PLEKHH1: variants seen among roughly 807,000 people sequenced by gnomAD.
The protein encoded by PLEKHH1 is pleckstrin homology domain-containing family H member 1.
PLEKHH1 carries 104 observed loss-of-function variants against 160.0 expected under a neutral mutation model. The ratio of observed to expected loss-of-function variants is 0.65; its 90% CI spans 0.55 to 0.76. The LOEUF (loss-of-function observed/expected upper bound fraction) is 0.76, where lower values mean the gene tolerates loss of function less well. Ranked by LOEUF, PLEKHH1 falls within the 30% of genes least tolerant of loss-of-function variation. PLEKHH1 has a pLI of 0.00. For missense variants in PLEKHH1, 1,427 were observed against 1,724.1 expected, an observed-to-expected ratio of 0.83 and a Z score of 3.05; for synonymous variants, 619 against 678.4, an observed-to-expected ratio of 0.91 and a Z score of 1.36.
intron 1 of PLEKHH1, among the ~76,000 whole-genome samples, chr14:67,538,118 A>G (rs902208112): frequency 6.6e-6 from 1 of 151,844 alleles, no homozygotes; most frequent in Non-Finnish European, 1.5e-5. Flanking sequence ...ATAAAAATAG[A>G]AAAAAAAATT....
chr14:67,546,200 G>A (rs542070325), intron 2 of PLEKHH1, among the ~76,000 whole-genome samples: 4 of 152,210 alleles, frequency 2.6e-5, no homozygotes, highest in Non-Finnish European at 5.9e-5. Context: ...AACGCCGGGG[G>A]AAGGGGGTAA....
At chr14:67,546,623 T>G (rs2034191381) in intron 2 of PLEKHH1, among the ~76,000 whole-genome samples, 2 of 152,098 alleles carry the variant, frequency 1.3e-5, no homozygotes, top group South Asian at 4.1e-4. Flanking sequence ...CTCCCAACCT[T>G]AGGTGATCCA....
intron 2 of PLEKHH1, among the ~76,000 whole-genome samples, chr14:67,554,709 C>T (rs1478252832): frequency 6.6e-6 from 1 of 152,136 alleles, no homozygotes; most frequent in Non-Finnish European, 1.5e-5. Flanking sequence ...AAGCCATGAG[C>T]TTGAGAAGCT....
rs200696869 is a variant in PLEKHH1, at chr14:67,562,176, C to T, written c.545C>T (p.Pro182Leu). 4.0e-4 allele frequency: 643 copies of T among 1,611,596 alleles called. No individual in the cohort carries two copies. Among genetic ancestry groups the T allele is most frequent in the Non-Finnish European group, 5.1e-4 (605 of 1,178,674 alleles). ...IAPSRKLLVPPYGAAEQDSVP... is the reference protein window; with the variant it reads ...IAPSRKLLVPLYGAAEQDSVP... Reference sequence around the variant, plus strand: ...CCTTCACGGAAGCTGCTGGTGCCCCCCTACGGAGCTGCAGAGCAGGATTCT... The same window carrying T: ...CCTTCACGGAAGCTGCTGGTGCCCCTCTACGGAGCTGCAGAGCAGGATTCT... Residue 182 changes from proline (P) to leucine (L), a missense_variant, in exon 7 of 29, where the codon CCC becomes CTC. By Grantham distance (98) the Pro-to-Leu change is moderately conservative. This residue lies in a region of PLEKHH1 where 831 missense variants were observed against 929.2 expected (regional missense o/e 0.89). Coordinates refer to ENST00000329153, the MANE Select transcript of PLEKHH1 (RefSeq NM_020715.3).
rs759161422 is a variant in PLEKHH1, at chr14:67,585,954, G to A, written c.3790G>A (p.Val1264Met). The A allele has an allele frequency of 6.2e-7, 1 of 1,611,806 alleles. No homozygotes were observed. Among genetic ancestry groups the A allele is most frequent in the Non-Finnish European group, 8.5e-7 (1 of 1,178,994 alleles). ...ACTGACTGGTTCCTTTCCACAGCAA[G>A]TGCACATCACTTACCCCTACTCTTC... ...VSILDHNTMQ[V>M]HITYPYSSVT... The change falls in exon 28 of 29, where the codon GTG becomes ATG. Residue 1264 changes from valine (V) to methionine (M), a missense_variant. By Grantham distance (21) the Val-to-Met change is conservative. Transcript: ENST00000329153.
At chr14:67,569,337 T>C (rs2035260515) in intron 8 of PLEKHH1, 121 bp downstream of exon 8, 1 of 642,232 alleles carries the variant, frequency 1.6e-6, no homozygotes, top group Non-Finnish European at 2.7e-6. Flanking sequence ...CCTGTTCCCC[T>C]CCCCAGCAGG....
At chr14:67,563,139 C>T (rs2034920481) in intron 7 of PLEKHH1, among the ~76,000 whole-genome samples, 1 of 152,240 alleles carries the variant, frequency 6.6e-6, no homozygotes, top group South Asian at 2.1e-4. Context: ...ATACATTGAG[C>T]TGGGTGCCCT....
intron 5 of PLEKHH1, among the ~76,000 whole-genome samples, chr14:67,560,680 A>G (rs1337622543): frequency 2.0e-5 from 3 of 152,150 alleles, no homozygotes; most frequent in African/African-American, 4.8e-5. Flanking sequence ...ACCTCCTTCT[A>G]AATAAAAGGA....
At chr14:67,561,880 A>G (rs1160190613) in intron 5 of PLEKHH1, 74 bp from the exon 6 acceptor site, 3 of 1,199,638 alleles carry the variant, frequency 2.5e-6, no homozygotes, top group Admixed American at 4.4e-5. Flanking sequence ...AAAAAAAAAA[A>G]AAAAAAGAAT....
intron 4 of PLEKHH1, 80 bp downstream of exon 4, chr14:67,557,498 C>T: frequency 7.3e-7 from 1 of 1,372,474 alleles, no homozygotes; most frequent in South Asian, 1.3e-5. Flanking sequence ...AGCTGTTCCG[C>T]TCAAGCCCTC....
chr14:67,572,540 C>A (rs1238316238), intron 11 of PLEKHH1, among the ~76,000 whole-genome samples: 1 of 152,170 alleles, frequency 6.6e-6, no homozygotes, highest in Non-Finnish European at 1.5e-5. Flanking sequence ...GCCCACCAGG[C>A]CCCATGAAGA....
intron 21 of PLEKHH1, 104 bp downstream of exon 21, chr14:67,579,415 C>T: frequency 3.2e-6 from 3 of 934,796 alleles, no homozygotes; most frequent in Non-Finnish European, 4.7e-6. Flanking sequence ...CACTGTTGCC[C>T]CAGAAGTAGA....
intron 1 of PLEKHH1, among the ~76,000 whole-genome samples, chr14:67,537,344 A>AAAAATAAT (rs1187916867): frequency 1.1e-4 from 14 of 124,526 alleles, no homozygotes; most frequent in African/African-American, 4.6e-4. Flanking sequence ...ACTCCATCTC[A>AAAAATAAT]AAAATAATAA....
intron 1 of PLEKHH1, among the ~76,000 whole-genome samples, chr14:67,537,496 C>T (rs1455034662): frequency 6.6e-6 from 1 of 151,520 alleles, no homozygotes. Flanking sequence ...GAAACCTTGT[C>T]TTTACAAAAA....
intron 26 of PLEKHH1, among the ~76,000 whole-genome samples, chr14:67,584,601 G>A (rs960958510): frequency 6.6e-6 from 1 of 152,196 alleles, no homozygotes; most frequent in East Asian, 1.9e-4. Context: ...AAACTTTATA[G>A]ATAATTACAG....
In PLEKHH1 at chr14:67,570,013, G is replaced by C; in HGVS notation, c.1434+1G>C. ...GCCTGTCTACACAGCACTGAAGGGG[G>C]TAAGAAACTGCTGCACAAAGAGGGG... On this transcript the variant is annotated splice_donor_variant, in intron 9 of 28. Coordinates refer to ENST00000329153, the MANE Select transcript of PLEKHH1 (RefSeq NM_020715.3). LOFTEE classifies it high-confidence loss of function. The C allele has an allele frequency of 6.4e-7, 1 of 1,570,600 alleles. No individual in the cohort carries two copies.
chr14:67,568,650 A>C (rs570179561), intron 7 of PLEKHH1, among the ~76,000 whole-genome samples: 75 of 152,330 alleles, frequency 4.9e-4, no homozygotes, highest in African/African-American at 1.7e-3. Context: ...TTTTTTAAAA[A>C]TGTGCCCTAA....
chr14:67,589,190 A>G lies in PLEKHH1; in HGVS notation c.*1955A>G. 1 of 194,076 alleles carries G rather than the reference A, an allele frequency of 5.2e-6. No homozygotes were observed. The highest frequency in any genetic ancestry group is 9.4e-6 in the Non-Finnish European group (1 of 106,232). The allele number at this position is 194,076 out of a possible 1,614,324, so 12.0% of individuals were successfully genotyped here. A position where few individuals can be genotyped will look rare whatever the true frequency, so the allele number is the denominator to read the frequency against. ...CCAAAGGAAGAGTAAACAAGAATGG[A>G]GCTGTGTTCACACTGAATTTGGGGT... On this transcript the variant is annotated 3_prime_UTR_variant, in exon 29 of 29. Transcript: ENST00000329153.
chr14:67,558,951 G>T (rs1032507335), intron 4 of PLEKHH1, among the ~76,000 whole-genome samples: 1 of 152,240 alleles, frequency 6.6e-6, no homozygotes, highest in Non-Finnish European at 1.5e-5. Flanking sequence ...AGGTCTGGGT[G>T]GGGGCAAGCA....
Sources: allele counts gnomAD v4.1 joint callset (sites outside exome capture counted in the v4.1 genomes callset), GRCh38; gene constraint gnomAD v4.1.1; regional missense constraint gnomAD v4.1.1; transcripts MANE v1.5; gene names NCBI Gene and HGNC (gene_info 2026-07-23, HGNC 2026-07-21).